The following NCS1 variants were observed in gnomAD, a reference collection of about 807,000 sequenced individuals.
NCS1 encodes the protein neuronal calcium sensor 1.
A neutral mutation model predicts 28.4 loss-of-function variants in NCS1; 6 were observed. The observed-to-expected ratio is 0.21, with a 90% CI of 0.12 to 0.42. The LOEUF (loss-of-function observed/expected upper bound fraction) is 0.42, where lower values mean the gene tolerates loss of function less well. NCS1 is among the 10% of genes least tolerant of loss of function. The pLI is 1.00. For missense variants in NCS1, 131 were observed against 241.4 expected, an observed-to-expected ratio of 0.54 and a Z score of 3.03; for synonymous variants, 86 against 99.3, an observed-to-expected ratio of 0.87 and a Z score of 0.79.
chr9:130,217,366 C>G (rs1208862881), intron 2 of NCS1, among the ~76,000 whole-genome samples: 1 of 152,200 alleles, frequency 6.6e-6, no homozygotes, highest in Non-Finnish European at 1.5e-5. Context: ...GAGCCACCTG[C>G]TGGCTCCATA....
At chr9:130,213,654 C>T (rs575716167) in intron 2 of NCS1, among the ~76,000 whole-genome samples, 6 of 151,842 alleles carry the variant, frequency 4.0e-5, no homozygotes, top group Admixed American at 2.6e-4. Context: ...GGCGTGATCT[C>T]GGCTCACTGC....
At chr9:130,212,968 A>C (rs1833132316) in intron 2 of NCS1, among the ~76,000 whole-genome samples, 1 of 152,064 alleles carries the variant, frequency 6.6e-6, no homozygotes, top group Non-Finnish European at 1.5e-5. Flanking sequence ...GTGGCTGGGA[A>C]GGTTCAGACC....
chr9:130,223,948 G>A (rs916555504), intron 6 of NCS1, among the ~76,000 whole-genome samples: 4 of 151,718 alleles, frequency 2.6e-5, no homozygotes, highest in East Asian at 2.0e-4. Flanking sequence ...CTGGGTTCAC[G>A]CAACTCTCCT....
At chr9:130,184,632 T>C (rs1271699959) in intron 1 of NCS1, among the ~76,000 whole-genome samples, 1 of 152,052 alleles carries the variant, frequency 6.6e-6, no homozygotes, top group African/African-American at 2.4e-5. Flanking sequence ...TTTTTCTTTT[T>C]CTTTTTTTGT....
chr9:130,202,075 CAA>C (rs1180031783), intron 2 of NCS1, among the ~76,000 whole-genome samples: 2 of 152,210 alleles, frequency 1.3e-5, no homozygotes, highest in African/African-American at 4.8e-5. Flanking sequence ...CTTTGCTGAA[CAA>C]AAACCTGACC....
chr9:130,234,222 C>A lies in NCS1; in HGVS notation c.*1250C>A, dbSNP rs781812772. On this transcript the variant is annotated 3_prime_UTR_variant, in exon 8 of 8. Coordinates refer to ENST00000372398, the MANE Select transcript of NCS1 (RefSeq NM_014286.4). This position sits in a 1 kb window ranked among gnomAD's most constrained non-coding sequence, Gnocchi z 6.1. ...TTCCCTCCTTCCTATCTGCTTTTTC[C>A]AGTAAACTGCATGGTGTCCTTCCCT... 3.3e-5 allele frequency: 5 copies of A among 152,302 alleles called. No individual in the cohort carries two copies. The highest frequency in any genetic ancestry group is 7.3e-5 in the Non-Finnish European group (5 of 68,102). The allele number at this position is 152,302 out of a possible 1,614,324, so 9.4% of individuals were successfully genotyped here.
In NCS1 at chr9:130,192,351, G is replaced by C. The variant is rs1046685723; in HGVS notation, c.65-8607G>C. On this transcript the variant is annotated intron_variant, in intron 1 of 7. Transcript: ENST00000372398. This position sits in a 1 kb window ranked among gnomAD's most constrained non-coding sequence, Gnocchi z 4.8. ...CTTGTCCAAGGTCGAGGGTTAATGAGTCTGGGGCCCGGCCACGTTGTCTGG... is the reference window on the plus strand; with the variant it reads ...CTTGTCCAAGGTCGAGGGTTAATGACTCTGGGGCCCGGCCACGTTGTCTGG... Among the ~76,000 whole-genome samples, 1 of 152,082 alleles carries C rather than the reference G, an allele frequency of 6.6e-6. No homozygotes were observed. The highest frequency in any genetic ancestry group is 2.4e-5 in the African/African-American group (1 of 41,420).
intron 1 of NCS1, chr9:130,200,569 C>T (rs782123303): frequency 1.9e-6 from 3 of 1,551,714 alleles, no homozygotes; most frequent in Non-Finnish European, 2.6e-6. Flanking sequence ...AAGCCAGGGC[C>T]TTCCCTGACA....
At position 130,186,606 on chromosome 9, in the gene NCS1, G is replaced by C. The variant is rs1832741304; in HGVS notation, c.64+13879G>C. On this transcript the variant is annotated intron_variant, in intron 1 of 7. Coordinates refer to ENST00000372398, the MANE Select transcript of NCS1 (RefSeq NM_014286.4). This position sits in a 1 kb window ranked among gnomAD's most constrained non-coding sequence, Gnocchi z 4.1. ...CAGGGCTCCCGAACCCCCAGCCCCA[G>C]GAAGGGGTGGGAGACACAGAGCTGG... Among the ~76,000 whole-genome samples, 1 of 152,158 alleles carries C rather than the reference G, an allele frequency of 6.6e-6. No individual in the cohort carries two copies.
chr9:130,198,392 G>A (rs535975180), intron 1 of NCS1, among the ~76,000 whole-genome samples: 52 of 152,272 alleles, frequency 3.4e-4, no homozygotes, highest in African/African-American at 1.2e-3. Context: ...TGTGAGGCCC[G>A]CCTGAGACAG....
chr9:130,222,586 C>T (rs936540711), intron 4 of NCS1, 64 bp from the exon 5 acceptor site: 18 of 1,358,884 alleles, frequency 1.3e-5, no homozygotes, highest in Middle Eastern at 3.6e-4. Context: ...AGAGGAGGGG[C>T]GAGTTGAAGA....
chr9:130,212,050 T>TGTGGAAGACATCCAC (rs1564710842), intron 2 of NCS1, among the ~76,000 whole-genome samples: 1 of 151,896 alleles, frequency 6.6e-6, no homozygotes, highest in Non-Finnish European at 1.5e-5. Flanking sequence ...AAGACATCCA[T>TGTGGAAGACATCCAC]ATGGACGCCC....
intron 2 of NCS1, among the ~76,000 whole-genome samples, chr9:130,206,633 C>T (rs903043935): frequency 7.2e-5 from 11 of 152,226 alleles, no homozygotes; most frequent in Non-Finnish European, 1.2e-4. Context: ...TGGTCTCGAA[C>T]TCCTGACCTC....
At chr9:130,176,170 CTTTCTTTCTTTCTTTCTTTCTTTCTT>C (rs1363232994) in intron 1 of NCS1, among the ~76,000 whole-genome samples, 1 of 63,348 alleles carries the variant, frequency 1.6e-5, no homozygotes, top group Non-Finnish European at 2.4e-5. Flanking sequence ...TTCTTTCTTT[CTTTCTTTCTTTCTTTCTTTCTTTCTT>C]TTTTTTTTTT....
rs1314299499 is a variant in NCS1, at chr9:130,219,073, G to A, written c.229-652G>A. Reference sequence around the variant, plus strand: ...CCATGTGGTAGCTTGTGTCACCTCCGGGCAGTGGCTGCACGGATAGCTGTT... The same window carrying A: ...CCATGTGGTAGCTTGTGTCACCTCCAGGCAGTGGCTGCACGGATAGCTGTT... On this transcript the variant is annotated intron_variant, in intron 3 of 7. Transcript: ENST00000372398. The surrounding 1 kb of genome is among the most constrained non-coding windows in gnomAD (Gnocchi z 5.7). Among the ~76,000 whole-genome samples the A allele has an allele frequency of 1.8e-4, 28 of 152,080 alleles. No individual in the cohort carries two copies. Among genetic ancestry groups the A allele is most frequent in the Admixed American group, 1.4e-3 (22 of 15,244 alleles).
chr9:130,182,249 C>T (rs1201772133), intron 1 of NCS1, among the ~76,000 whole-genome samples: 3 of 152,280 alleles, frequency 2.0e-5, no homozygotes, highest in East Asian at 1.9e-4. Context: ...GATGGCCAGT[C>T]GGGGTTCAGG....
intron 2 of NCS1, among the ~76,000 whole-genome samples, chr9:130,216,583 G>C (rs542166979): frequency 3.0e-4 from 45 of 152,206 alleles, no homozygotes; most frequent in Non-Finnish European, 2.9e-5. Context: ...GGGTGTGGTG[G>C]TACATGCCTG....
Position 130,215,844 on chromosome 9 carries a change from G to C in NCS1, c.90-1988G>C, listed in dbSNP as rs183468427. Among the ~76,000 whole-genome samples, 49 of 152,276 alleles carry C rather than the reference G, an allele frequency of 3.2e-4. No homozygotes were observed. The highest frequency in any genetic ancestry group is 3.4e-3 in the Middle Eastern group (1 of 294). On this transcript the variant is annotated intron_variant, in intron 2 of 7. Coordinates refer to ENST00000372398, the MANE Select transcript of NCS1 (RefSeq NM_014286.4). This position sits in a 1 kb window ranked among gnomAD's most constrained non-coding sequence, Gnocchi z 4.2. ...GCCTATTCACAGCCTCCTGCTTGCTGTGGGCACTGCTGGGACGGTCATGTG... is the reference window on the plus strand; with the variant it reads ...GCCTATTCACAGCCTCCTGCTTGCTCTGGGCACTGCTGGGACGGTCATGTG...
rs1458634818 is a variant in NCS1 at position 130,174,873 on chromosome 9, G to A, written c.64+2146G>A. Among the ~76,000 whole-genome samples the A allele has an allele frequency of 2.6e-5, 4 of 151,372 alleles. No individual in the cohort carries two copies. The East Asian group carries it at 5.9e-4, about 22-fold the overall frequency. On this transcript the variant is annotated intron_variant, in intron 1 of 7. Coordinates refer to ENST00000372398, the MANE Select transcript of NCS1 (RefSeq NM_014286.4). ...ATGATGGTGGATTCTAAATGGGAAGGGCCTGGGGTGATAGTCCTGTCCGGC... is the reference window on the plus strand; with the variant it reads ...ATGATGGTGGATTCTAAATGGGAAGAGCCTGGGGTGATAGTCCTGTCCGGC...
Sources: gnomAD v4.1 joint callset for allele counts (sites outside exome capture counted in the v4.1 genomes callset) on GRCh38, gnomAD v4.1.1 for gene constraint, Gnocchi (gnomAD v3.1) non-coding constraint, MANE v1.5 for transcripts, NCBI Gene and HGNC (gene_info 2026-07-23, HGNC 2026-07-21) for gene names.